GMDS: variants seen among roughly 807,000 people sequenced by gnomAD.
GMDS encodes the protein GDP-mannose 4,6-dehydratase.
GMDS carries 20 observed loss-of-function variants against 49.9 expected under a neutral mutation model. The observed-to-expected ratio is 0.40, with a 90% CI of 0.28 to 0.58. The LOEUF (loss-of-function observed/expected upper bound fraction) is 0.58, where lower values mean the gene tolerates loss of function less well. Among genes scored for constraint, GMDS ranks in the 20% least tolerant of loss-of-function variants. The pLI, the probability that GMDS is intolerant of heterozygous loss-of-function variation, is 0.42. For synonymous variants in GMDS, 177 were observed against 178.6 expected (o/e 0.99, Z 0.07); for missense variants, 362 against 481.4 (o/e 0.75, Z 2.32).
At chr6:2,000,033 A>ATATATATATATATATATATATC (rs1171105627) in intron 4 of GMDS, among the ~76,000 whole-genome samples, 8 of 20,454 alleles carry the variant, frequency 3.9e-4, no homozygotes, top group Admixed American at 9.1e-4. Flanking sequence ...ATATATCTAT[A>ATATATATATATATATATATATC]TCTTTTTTTT....
At chr6:1,769,685 G>C (rs968794398) in intron 7 of GMDS, among the ~76,000 whole-genome samples, 5 of 150,802 alleles carry the variant, frequency 3.3e-5, no homozygotes, top group African/African-American at 1.2e-4. Context: ...AGGTAACACA[G>C]AGTTTAAATG....
chr6:1,749,047 G>A (rs1371748749), intron 7 of GMDS, among the ~76,000 whole-genome samples: 1 of 152,162 alleles, frequency 6.6e-6, no homozygotes, highest in Non-Finnish European at 1.5e-5. Flanking sequence ...AAAGTACACT[G>A]AGGACAGCCT....
intron 4 of GMDS, 60 bp from the exon 5 acceptor site, chr6:1,961,026 C>A: frequency 2.1e-6 from 2 of 966,232 alleles, no homozygotes; most frequent in South Asian, 4.8e-5. Context: ...AAGGTGCTGT[C>A]AGCAGGAACA....
chr6:2,085,327 T>G (rs758002154), intron 4 of GMDS, among the ~76,000 whole-genome samples: 1 of 152,178 alleles, frequency 6.6e-6, no homozygotes, highest in Non-Finnish European at 1.5e-5. Context: ...ACCTGTGGCT[T>G]TTTAGTATAG....
intron 9 of GMDS, among the ~76,000 whole-genome samples, chr6:1,647,600 A>C (rs901445181): frequency 7.9e-5 from 12 of 152,218 alleles, no homozygotes; most frequent in African/African-American, 2.9e-4. Context: ...TCAAGGGGAC[A>C]CAGACACATA....
At chr6:2,136,431 T>A (rs759536883) in intron 1 of GMDS, among the ~76,000 whole-genome samples, 15 of 152,362 alleles carry the variant, frequency 9.8e-5, no homozygotes, top group Admixed American at 5.2e-4. Flanking sequence ...AAAGAACTGA[T>A]TTGGGCCAGG....
At chr6:1,920,572 T>A (rs909033827) in intron 7 of GMDS, among the ~76,000 whole-genome samples, 7 of 152,244 alleles carry the variant, frequency 4.6e-5, no homozygotes, top group African/African-American at 1.2e-4. Flanking sequence ...AAGCACTGAA[T>A]ATTGAAGATA....
At chr6:2,064,992 A>C (rs888737861) in intron 4 of GMDS, among the ~76,000 whole-genome samples, 11 of 152,192 alleles carry the variant, frequency 7.2e-5, no homozygotes, top group African/African-American at 2.7e-4. Flanking sequence ...TCAAAAAGAC[A>C]GCAGTAACCT....
At chr6:2,109,891 A>G (rs1187434791) in intron 4 of GMDS, among the ~76,000 whole-genome samples, 1 of 152,162 alleles carries the variant, frequency 6.6e-6, no homozygotes, top group Non-Finnish European at 1.5e-5. Flanking sequence ...AGGATGTTCT[A>G]ACAGCTTCTC....
At chr6:2,197,266 G>A (rs973073448) in intron 1 of GMDS, among the ~76,000 whole-genome samples, 1 of 152,248 alleles carries the variant, frequency 6.6e-6, no homozygotes, top group Middle Eastern at 3.4e-3. Context: ...ACTCAAGGCC[G>A]CCCAGCTCTC....
chr6:1,918,631 C>T (rs1761541351), intron 7 of GMDS, among the ~76,000 whole-genome samples: 1 of 152,116 alleles, frequency 6.6e-6, no homozygotes, highest in South Asian at 2.1e-4. Flanking sequence ...TGCCTGTAGT[C>T]CCAGCTACTC....
intron 4 of GMDS, among the ~76,000 whole-genome samples, chr6:1,996,228 C>T (rs1766271712): frequency 6.6e-6 from 1 of 152,042 alleles, no homozygotes; most frequent in Non-Finnish European, 1.5e-5. Context: ...ACACTCCCTG[C>T]CCCCAACAAC....
chr6:2,241,533 G>A (rs570184326), intron 1 of GMDS, among the ~76,000 whole-genome samples: 2 of 152,234 alleles, frequency 1.3e-5, no homozygotes, highest in South Asian at 4.1e-4. Context: ...ACTAATAGGA[G>A]GTGTTTTGGT....
At chr6:2,177,650 G>C (rs970392571) in intron 1 of GMDS, among the ~76,000 whole-genome samples, 2 of 152,078 alleles carry the variant, frequency 1.3e-5, no homozygotes, top group Admixed American at 1.3e-4. Context: ...ACATCCTTTC[G>C]TGATAAAAAC....
chr6:1,741,815 A>C, intron 8 of GMDS, among the ~76,000 whole-genome samples: 1 of 148,832 alleles, frequency 6.7e-6, no homozygotes, highest in Admixed American at 6.7e-5. Flanking sequence ...CTGTCTCAAA[A>C]AAAAAAAAAA....
At chr6:1,806,824 C>T (rs1458700026) in intron 7 of GMDS, among the ~76,000 whole-genome samples, 2 of 152,260 alleles carry the variant, frequency 1.3e-5, no homozygotes, top group Admixed American at 1.3e-4. Context: ...ATGGTTCTTC[C>T]TCTGAGTTGA....
intron 7 of GMDS, among the ~76,000 whole-genome samples, chr6:1,799,696 G>A (rs373294723): frequency 2.0e-5 from 3 of 152,290 alleles, no homozygotes; most frequent in African/African-American, 7.2e-5. Context: ...GGAGACTCCA[G>A]AGAAGATGAC....
intron 8 of GMDS, among the ~76,000 whole-genome samples, chr6:1,733,443 G>T (rs958234921): frequency 6.6e-6 from 1 of 152,212 alleles, no homozygotes; most frequent in South Asian, 2.1e-4. Context: ...TGGCAGAACA[G>T]GGGGAGAGAG....
chr6:1,877,449 G>A (rs1010348407), intron 7 of GMDS, among the ~76,000 whole-genome samples: 2 of 151,850 alleles, frequency 1.3e-5, no homozygotes, highest in African/African-American at 4.8e-5. Flanking sequence ...AGACCAGCCT[G>A]GGCAACATAG....
Sources: gnomAD v4.1 joint callset for allele counts (sites outside exome capture counted in the v4.1 genomes callset) on GRCh38, gnomAD v4.1.1 for gene constraint, MANE v1.5 for transcripts, NCBI Gene and HGNC (gene_info 2026-07-23, HGNC 2026-07-21) for gene names.